Variants in PEBP4 observed in about 807,000 individuals in gnomAD.
PEBP4 encodes the protein phosphatidylethanolamine-binding protein 4.
Under a neutral mutation model 23.9 loss-of-function variants are expected in PEBP4, and 22 were observed. The observed-to-expected ratio is 0.92, with a 90% CI of 0.66 to 1.31. PEBP4 has a LOEUF of 1.31. Ranked by LOEUF, PEBP4 falls within the 40% of genes most tolerant of loss-of-function variation. The pLI is 0.00. For missense variants in PEBP4, 324 were observed against 281.7 expected (o/e 1.15, Z -1.07); for synonymous variants, 112 against 99.3 (o/e 1.13, Z -0.76).
chr8:22,756,757 C>T (rs572156551), intron 4 of PEBP4, among the ~76,000 whole-genome samples: 8 of 152,274 alleles, frequency 5.3e-5, no homozygotes, highest in South Asian at 2.1e-4. Flanking sequence ...CTGGGAATTT[C>T]GGCTTGCCAA....
chr8:22,750,925 G>GGA (rs1276241625), intron 4 of PEBP4, among the ~76,000 whole-genome samples: 2 of 152,230 alleles, frequency 1.3e-5, no homozygotes, highest in South Asian at 2.1e-4. Context: ...ATGGATAGGG[G>GGA]GAGAGAGAGA....
At chr8:22,886,071 CT>C (rs1257042032) in intron 3 of PEBP4, 1 of 152,224 alleles carries the variant, frequency 6.6e-6, no homozygotes, top group Non-Finnish European at 1.5e-5. Flanking sequence ...TCAATCATTT[CT>C]TCAACAATGA....
chr8:22,715,862 T>C (rs1427377188), intron 6 of PEBP4, among the ~76,000 whole-genome samples: 1 of 151,282 alleles, frequency 6.6e-6, no homozygotes, highest in Admixed American at 6.6e-5. Flanking sequence ...GCCCTTGGGG[T>C]GTGTGGGGAG....
chr8:22,749,033 G>A (rs1191707443), intron 4 of PEBP4, among the ~76,000 whole-genome samples: 1 of 152,154 alleles, frequency 6.6e-6, no homozygotes, highest in Non-Finnish European at 1.5e-5. Context: ...ATGACAATCT[G>A]GGGTCAGGGG....
At chr8:22,861,363 C>T (rs187157068) in intron 3 of PEBP4, among the ~76,000 whole-genome samples, 7 of 152,344 alleles carry the variant, frequency 4.6e-5, no homozygotes, top group African/African-American at 1.7e-4. Flanking sequence ...ATTGAATCCT[C>T]ACAACAAGCC....
intron 4 of PEBP4, among the ~76,000 whole-genome samples, chr8:22,788,502 C>T (rs1437077822): frequency 2.0e-5 from 3 of 152,120 alleles, no homozygotes; most frequent in Non-Finnish European, 2.9e-5. Flanking sequence ...AGGGTCCTGG[C>T]GGTGTTCAGA....
intron 3 of PEBP4, among the ~76,000 whole-genome samples, chr8:22,882,177 T>A (rs1808272778): frequency 6.6e-6 from 1 of 152,210 alleles, no homozygotes; most frequent in Admixed American, 6.5e-5. Flanking sequence ...AGAACTGGGA[T>A]CCATCCTATC....
chr8:22,911,106 T>C (rs988458455), intron 3 of PEBP4, among the ~76,000 whole-genome samples: 1 of 152,194 alleles, frequency 6.6e-6, no homozygotes, highest in African/African-American at 2.4e-5. Flanking sequence ...AAGACTGCTC[T>C]AAAACATAAA....
At chr8:22,722,810 G>T (rs1055338974) in intron 6 of PEBP4, among the ~76,000 whole-genome samples, 8 of 149,596 alleles carry the variant, frequency 5.3e-5, no homozygotes, top group African/African-American at 7.4e-5. Flanking sequence ...GTCTCTCTCT[G>T]TCCCCAGGCT....
At chr8:22,864,569 T>C (rs1807845779) in intron 3 of PEBP4, among the ~76,000 whole-genome samples, 1 of 152,028 alleles carries the variant, frequency 6.6e-6, no homozygotes, top group African/African-American at 2.4e-5. Flanking sequence ...AGGAGAAAGC[T>C]TGGGGGAGGG....
chr8:22,788,637 C>G (rs1403832956), intron 4 of PEBP4, among the ~76,000 whole-genome samples: 1 of 152,200 alleles, frequency 6.6e-6, no homozygotes, highest in African/African-American at 2.4e-5. Flanking sequence ...CTTTTCAACT[C>G]TAAAATATGA....
chr8:22,927,939 T>C, upstream of PEBP4: 2 of 520,680 alleles, frequency 3.8e-6, no homozygotes, highest in Non-Finnish European at 3.4e-6. Flanking sequence ...TTGGACTCAA[T>C]GTACGTTCCT....
At position 22,933,913 on chromosome 8, in the gene PEBP4, G is replaced by A. The variant is rs544658171; in HGVS notation, c.145-6193C>T. 3.3e-5 allele frequency among the ~76,000 whole-genome samples: 5 copies of A among 152,332 alleles called. No individual in the cohort carries two copies. The South Asian group carries it at 1.0e-3, about 32-fold the overall frequency. On this transcript the variant is annotated intron_variant, in intron 1 of 1. Transcript: ENST00000522278. ...ATTTGGCTCACAATTCTGCTGGCCGGAAGACTGGGCATCTGGTAAAAGCCT... is the reference window on the plus strand; with the variant it reads ...ATTTGGCTCACAATTCTGCTGGCCGAAAGACTGGGCATCTGGTAAAAGCCT...
chr8:22,913,747 G>A (rs779268029), intron 3 of PEBP4, among the ~76,000 whole-genome samples: 3 of 152,126 alleles, frequency 2.0e-5, no homozygotes, highest in Non-Finnish European at 2.9e-5. Flanking sequence ...ATTTCCAGTC[G>A]ACCCCTCAAC....
At chr8:22,931,626 G>A (rs916159370), upstream of PEBP4, among the ~76,000 whole-genome samples, 12 of 151,848 alleles carry the variant, frequency 7.9e-5, no homozygotes, top group Admixed American at 4.6e-4. Context: ...CGCTGTCACC[G>A]GGGCTGGAAT....
intron 4 of PEBP4, among the ~76,000 whole-genome samples, chr8:22,779,954 CTTT>C (rs11373695): frequency 7.0e-6 from 1 of 143,250 alleles, no homozygotes; most frequent in Non-Finnish European, 1.5e-5. Context: ...TTTTTAAAAT[CTTT>C]TTTTTTTTTT....
Position 22,740,634 on chromosome 8 carries a change from C to CCA in PEBP4, c.358-13416_358-13415dup, listed in dbSNP as rs1458666609. 1.8e-4 allele frequency among the ~76,000 whole-genome samples: 28 copies of CCA among 152,270 alleles called. No homozygotes were observed. The East Asian group carries it at 3.9e-3, about 21-fold the overall frequency. ...TCTGTAGTGGCAGCTGTGGTGGGAA[C>CCA]CATCTGAGCCCCGGTTCCTGATGGT... On this transcript the variant is annotated intron_variant, in intron 4 of 6. Transcript: ENST00000256404.
intron 4 of PEBP4, among the ~76,000 whole-genome samples, chr8:22,738,656 G>A (rs62494979): frequency 0.022 from 3,341 of 152,174 alleles, 45 homozygotes; most frequent in African/African-American, 0.047. Context: ...TTGCACACTC[G>A]TGATATACTC....
At position 22,744,860 on chromosome 8, in the gene PEBP4, C is replaced by T. The variant is rs1243214744; in HGVS notation, c.358-17640G>A. ...TTGTGCACTGCTGTATCACTTAATC[C>T]TCCTTCACCAGGAGGCAGAGAGGGT... On this transcript the variant is annotated intron_variant, in intron 4 of 6. Transcript: ENST00000256404. 2.6e-5 allele frequency: 4 copies of T among 152,314 alleles called. No individual in the cohort carries two copies. In the South Asian group the frequency reaches 6.2e-4, roughly 24 times the overall value. The allele number at this position is 152,314 out of a possible 1,614,324, so 9.4% of individuals were successfully genotyped here.
Sources: allele counts gnomAD v4.1 joint callset (sites outside exome capture counted in the v4.1 genomes callset), GRCh38; gene constraint gnomAD v4.1.1; transcripts MANE v1.5; gene names NCBI Gene and HGNC (gene_info 2026-07-23, HGNC 2026-07-21).